SMARCB1: variants seen among roughly 807,000 people sequenced by gnomAD.
The protein encoded by SMARCB1 is SWI/SNF related BAF chromatin remodeling complex subunit B1, also known as SWI/SNF-related matrix-associated actin-dependent regulator of chromatin subfamily B member 1.
SMARCB1 carries 5 observed loss-of-function variants against 49.0 expected under a neutral mutation model. The observed-to-expected ratio is 0.10, with a 90% CI of 0.05 to 0.21. The LOEUF is 0.21. Among genes scored for constraint, SMARCB1 ranks in the 10% least tolerant of loss-of-function variants. The probability of loss-of-function intolerance (pLI) is 1.00; values close to 1 mark genes in which losing one functional copy is unlikely to be tolerated. For missense variants in SMARCB1, 226 were observed against 509.2 expected (o/e 0.44, Z 5.35); for synonymous variants, 201 against 200.1 (o/e 1.00, Z -0.04).
chr22:23,825,098 C>A, intron 6 of SMARCB1, 127 bp from the exon 7 acceptor site: 1 of 759,634 alleles, frequency 1.3e-6, no homozygotes, highest in African/African-American at 1.7e-5. Context: ...AGGACAAGGA[C>A]CACCTGCAGT....
chr22:23,787,415 T>C (rs969973027), intron 1 of SMARCB1, among the ~76,000 whole-genome samples, 153 bp downstream of exon 1: 4 of 151,146 alleles, frequency 2.6e-5, no homozygotes, highest in Admixed American at 1.3e-4. Context: ...AGTGGGCGTG[T>C]CGGGTGTGGC....
Position 23,835,524 on chromosome 22 carries a change from C to T in SMARCB1, c.*1344C>T, listed in dbSNP as rs2030976224. 1.0e-6 allele frequency: 1 copy of T among 985,542 alleles called. No homozygotes were observed. The highest frequency in any genetic ancestry group is 1.2e-6 in the Non-Finnish European group (1 of 829,986). The allele number at this position is 985,542 out of a possible 1,614,324, so 61.0% of individuals were successfully genotyped here. A position where few individuals can be genotyped will look rare whatever the true frequency, so the allele number is the denominator to read the frequency against. On this transcript the variant is annotated 3_prime_UTR_variant, in exon 9 of 9. Transcript: ENST00000644036. Reference sequence around the variant, plus strand: ...GATGTGAGAGGAGGGCTCCTTTGAGCACATGTTAGCATGGGACTCTTCCCA... The same window carrying T: ...GATGTGAGAGGAGGGCTCCTTTGAGTACATGTTAGCATGGGACTCTTCCCA...
intron 3 of SMARCB1, among the ~76,000 whole-genome samples, chr22:23,793,913 C>A (rs1422462132): frequency 2.0e-5 from 3 of 151,918 alleles, no homozygotes; most frequent in Non-Finnish European, 4.4e-5. Context: ...TCCCAAGTAG[C>A]TGGGATTACA....
intron 4 of SMARCB1, chr22:23,801,542 C>T (rs1483552663): frequency 1.6e-5 from 6 of 374,174 alleles, no homozygotes; most frequent in Admixed American, 3.6e-5. Flanking sequence ...TTTAGTTTCA[C>T]TAGACCAGAC....
intron 6 of SMARCB1, among the ~76,000 whole-genome samples, chr22:23,821,122 T>C (rs928054759): frequency 6.6e-6 from 1 of 152,238 alleles, no homozygotes; most frequent in Admixed American, 6.5e-5. Context: ...GCTTCCCCAG[T>C]GACCCTCTGA....
At position 23,837,281 on chromosome 22, in the gene SMARCB1, G is replaced by A. The variant is rs1482645686; in HGVS notation, c.*3101G>A. On this transcript the variant is annotated 3_prime_UTR_variant, in exon 9 of 9. Coordinates refer to ENST00000644036, the MANE Select transcript of SMARCB1 (RefSeq NM_003073.5). The stretch of plus-strand genomic sequence containing the variant: ...GGCCCCACAGCATGAGTGCCCCAAA[G>A]CCTTGCACAGAGTGCCAGCCCCGGG... 2.2e-5 allele frequency: 27 copies of A among 1,231,734 alleles called. No individual in the cohort carries two copies. Among genetic ancestry groups the A allele is most frequent in the Admixed American group, 7.9e-5 (3 of 37,846 alleles). The allele number at this position is 1,231,734 out of a possible 1,614,324, so 76.3% of individuals were successfully genotyped here.
intron 7 of SMARCB1, among the ~76,000 whole-genome samples, chr22:23,827,123 A>C (rs1441837499): frequency 2.0e-5 from 3 of 152,268 alleles, no homozygotes; most frequent in Non-Finnish European, 4.4e-5. Context: ...GCGCATCAAC[A>C]CTGAGCACCT....
intron 3 of SMARCB1, among the ~76,000 whole-genome samples, chr22:23,797,861 C>G (rs950858561): frequency 6.6e-6 from 1 of 151,850 alleles, no homozygotes; most frequent in Non-Finnish European, 1.5e-5. Flanking sequence ...TCAGGTGATC[C>G]GTCCGCCTCG....
chr22:23,803,553 T>C, intron 5 of SMARCB1, 131 bp downstream of exon 5: 1 of 1,013,054 alleles, frequency 9.9e-7, no homozygotes, highest in Non-Finnish European at 1.5e-6. Flanking sequence ...GGCATAGTTT[T>C]GGAGGGTGTG....
At chr22:23,833,436 C>CAGGTGACTGGAGCATCCACT in intron 7 of SMARCB1, 136 bp from the exon 8 acceptor site, 1 of 1,242,092 alleles carries the variant, frequency 8.1e-7, no homozygotes, top group South Asian at 1.2e-5. Context: ...CCTTGAGGTT[C>CAGGTGACTGGAGCATCCACT]AGGTGACTGG....
At chr22:23,805,932 G>A (rs891442624) in intron 5 of SMARCB1, among the ~76,000 whole-genome samples, 3 of 152,114 alleles carry the variant, frequency 2.0e-5, no homozygotes, top group South Asian at 2.1e-4. Flanking sequence ...TTATACCCCC[G>A]CCCTGTTCCA....
In SMARCB1 at chr22:23,793,628, A is replaced by G. The variant is rs762188226; in HGVS notation, c.302A>G (p.Asp101Gly). The change falls in exon 3 of 9, where the codon GAT becomes GGT. Residue 101 changes from aspartate to glycine, a missense_variant. Transcript: ENST00000644036. ...LKASEVEEIL[D>G]GNDEKYKAVS... ...GCCTCGGAAGTGGAAGAGATTCTGGATGGCAACGATGAGAAGTACAAGGCT... is the reference window on the plus strand; with the variant it reads ...GCCTCGGAAGTGGAAGAGATTCTGGGTGGCAACGATGAGAAGTACAAGGCT... 1 of 1,614,144 alleles carries G rather than the reference A, an allele frequency of 6.2e-7. No homozygotes were observed. Among genetic ancestry groups the G allele is most frequent in the African/African-American group, 1.3e-5 (1 of 75,034 alleles).
chr22:23,833,529 T>C (rs764700771), intron 7 of SMARCB1, 43 bp from the exon 8 acceptor site: 6 of 1,613,852 alleles, frequency 3.7e-6, no homozygotes, highest in Non-Finnish European at 5.1e-6. Flanking sequence ...TCTCCATCTA[T>C]AGCTGGAAAA....
rs1179814248 is a variant in SMARCB1, at chr22:23,817,011, C to T, written c.795+75C>T. 4.9e-6 allele frequency: 6 copies of T among 1,219,092 alleles called. No homozygotes were observed. In the Admixed American group the frequency reaches 9.0e-5, roughly 18 times the overall value. The allele number at this position is 1,219,092 out of a possible 1,614,324, so 75.5% of individuals were successfully genotyped here. On this transcript the variant is annotated intron_variant, in intron 6 of 8. Coordinates refer to ENST00000644036, the MANE Select transcript of SMARCB1 (RefSeq NM_003073.5). ...GTGTCATCATGGAGCACTGAGGGTA[C>T]ACCAAGGCCTCAGCAGAAGCCCGTC...
intron 7 of SMARCB1, among the ~76,000 whole-genome samples, chr22:23,826,501 C>T (rs1248989558): frequency 2.6e-5 from 4 of 151,880 alleles, no homozygotes; most frequent in Non-Finnish European, 5.9e-5. Context: ...CCCCGTGGTT[C>T]CTCACCCTGT....
intron 5 of SMARCB1, among the ~76,000 whole-genome samples, chr22:23,809,359 C>T (rs544929744): frequency 1.3e-5 from 2 of 151,598 alleles, no homozygotes; most frequent in African/African-American, 4.8e-5. Context: ...TCACCACAAC[C>T]TCTACCTCCC....
intron 7 of SMARCB1, chr22:23,826,078 C>G (rs574513140): frequency 6.6e-6 from 1 of 152,482 alleles, no homozygotes; most frequent in Non-Finnish European, 1.5e-5. Context: ...GGGATGGACC[C>G]GGGAGAGGCC....
intron 7 of SMARCB1, among the ~76,000 whole-genome samples, chr22:23,827,112 C>T (rs553781890): frequency 2.6e-5 from 4 of 152,324 alleles, no homozygotes; most frequent in Non-Finnish European, 4.4e-5. Context: ...AGTCATGTTG[C>T]GCGCATCAAC....
intron 5 of SMARCB1, 84 bp from the exon 6 acceptor site, chr22:23,816,686 T>C: frequency 7.4e-7 from 1 of 1,346,058 alleles, no homozygotes; most frequent in Non-Finnish European, 1.1e-6. Context: ...GATGTTTGGC[T>C]TCAAAGAAGA....
Sources: allele counts gnomAD v4.1 joint callset (sites outside exome capture counted in the v4.1 genomes callset), GRCh38; gene constraint gnomAD v4.1.1; transcripts MANE v1.5; gene names NCBI Gene and HGNC (gene_info 2026-07-23, HGNC 2026-07-21).